ANKRD30B: variants seen among roughly 807,000 people sequenced by gnomAD.
ANKRD30B encodes ankyrin repeat domain 30B.
Under a neutral mutation model 202.2 loss-of-function variants are expected in ANKRD30B, and 144 were observed. The ratio of observed to expected loss-of-function variants is 0.71; its 90% CI spans 0.62 to 0.82. The LOEUF (loss-of-function observed/expected upper bound fraction) is 0.82, where lower values mean the gene tolerates loss of function less well. ANKRD30B is among the 40% of genes least tolerant of loss of function. The pLI, the probability that ANKRD30B is intolerant of heterozygous loss-of-function variation, is 0.00. For missense variants in ANKRD30B, 1,487 were observed against 1,669.1 expected (o/e 0.89, Z 1.90); for synonymous variants, 508 against 561.3 (o/e 0.91, Z 1.34).
chr18:14,862,910 C>T, the ANKRD30B span, among the ~76,000 whole-genome samples: 6 of 152,246 alleles, frequency 3.9e-5, no homozygotes, highest in Non-Finnish European at 8.8e-5. Context: ...TACTGGGTTT[C>T]AGATTTGCCT....
In ANKRD30B at chr18:14,757,840, G is replaced by T. The variant is rs1438520532; in HGVS notation, c.643G>T (p.Glu215Ter). Residue 215 changes from glutamate to a stop codon, truncating the protein, a stop_gained, in exon 5 of 44, where the codon GAA becomes TAA. Transcript: ENST00000690538. LOFTEE classifies it high-confidence loss of function. ...KCTALMLAIC[E>*]GSSEIVGMLL... ...CACAGCCCTCATGCTTGCCATATGT[G>T]AAGGCTCATCAGAGATAGTCGGCAT... The T allele has an allele frequency of 6.2e-7, 1 of 1,613,672 alleles. No homozygotes were observed. The highest frequency in any genetic ancestry group is 1.7e-5 in the Admixed American group (1 of 59,854).
chr18:14,841,187 G>T (rs1206665870), intron 37 of ANKRD30B, among the ~76,000 whole-genome samples: 1 of 152,150 alleles, frequency 6.6e-6, no homozygotes, highest in Non-Finnish European at 1.5e-5. Flanking sequence ...TGTTTTATCT[G>T]CAGTATGTGA....
intron 40 of ANKRD30B, among the ~76,000 whole-genome samples, 190 bp downstream of exon 40, chr18:14,849,119 T>A (rs1306649119): frequency 3.3e-5 from 5 of 151,962 alleles, no homozygotes; most frequent in Non-Finnish European, 5.9e-5. Flanking sequence ...TAATGCATAT[T>A]TATTTAAATC....
chr18:14,845,653 C>G (rs1442013148), intron 39 of ANKRD30B, among the ~76,000 whole-genome samples: 1 of 151,324 alleles, frequency 6.6e-6, no homozygotes, highest in African/African-American at 2.4e-5. Context: ...TTTATTAGTT[C>G]CATCTCTGAT....
At chr18:14,917,006 C>T in the ANKRD30B span, among the ~76,000 whole-genome samples, 1 of 152,156 alleles carries the variant, frequency 6.6e-6, no homozygotes, top group African/African-American at 2.4e-5. Flanking sequence ...ACGCTGGCCA[C>T]CAACTCAGCC....
downstream of ANKRD30B, among the ~76,000 whole-genome samples, chr18:14,856,098 G>A (rs1207990219): frequency 6.3e-4 from 85 of 134,772 alleles, 2 homozygotes; most frequent in Non-Finnish European, 8.8e-4. Context: ...GGGCAGAGGC[G>A]CTCCTCACCT....
chr18:14,803,962 A>G, intron 24 of ANKRD30B, 138 bp downstream of exon 24: 3 of 814,172 alleles, frequency 3.7e-6, no homozygotes, highest in East Asian at 6.4e-5. Flanking sequence ...AAATGGTGAT[A>G]AGTTATACGT....
chr18:14,763,467 A>T (rs984990505), intron 6 of ANKRD30B, among the ~76,000 whole-genome samples: 3 of 152,004 alleles, frequency 2.0e-5, no homozygotes, highest in Admixed American at 1.3e-4. Flanking sequence ...GAGTCGCTTG[A>T]GGTAGGAGAA....
At chr18:14,877,987 C>T in the ANKRD30B span, 53 of 152,300 alleles carry the variant, frequency 3.5e-4, 1 homozygote, top group Middle Eastern at 6.8e-3. Context: ...CCACCTGCAT[C>T]GCCTTAGGCA....
At position 14,807,362 on chromosome 18, in the gene ANKRD30B, G is replaced by A. The variant is rs1021982085; in HGVS notation, c.2285-1189G>A. Among the ~76,000 whole-genome samples the A allele has an allele frequency of 8.6e-5, 13 of 150,624 alleles. 1 individual carries two copies. Among genetic ancestry groups the A allele is most frequent in the Non-Finnish European group, 1.5e-4 (10 of 67,720 alleles). ...TAACAGTGGTTTAACAACTCGCATG[G>A]TATAACAAATAGAATTAGTTTTAGC... is the stretch of plus-strand genomic sequence containing the variant. On this transcript the variant is annotated intron_variant, in intron 24 of 43. Coordinates refer to ENST00000690538, the MANE Select transcript of ANKRD30B (RefSeq NM_001367607.2).
At chr18:14,780,956 A>C (rs1967694589) in intron 11 of ANKRD30B, among the ~76,000 whole-genome samples, 1 of 151,820 alleles carries the variant, frequency 6.6e-6, no homozygotes, top group South Asian at 2.1e-4. Context: ...TAAGTATCAA[A>C]TAATAATGAT....
At chr18:14,888,744 C>T in the ANKRD30B span, 1 of 1,017,750 alleles carries the variant, frequency 9.8e-7, no homozygotes, top group South Asian at 1.5e-5. Flanking sequence ...TGTTTTTGTT[C>T]TTTCTTCATT....
the ANKRD30B span, among the ~76,000 whole-genome samples, chr18:14,933,890 A>G: frequency 6.6e-6 from 1 of 152,172 alleles, no homozygotes; most frequent in African/African-American, 2.4e-5. Context: ...TTTTTCACAG[A>G]AATGAATTGG....
At chr18:14,843,756 T>A (rs1049245105) in intron 39 of ANKRD30B, among the ~76,000 whole-genome samples, 14 of 152,116 alleles carry the variant, frequency 9.2e-5, no homozygotes, top group Non-Finnish European at 1.9e-4. Flanking sequence ...ATGGCGCCAC[T>A]GCACTCCAGC....
intron 34 of ANKRD30B, among the ~76,000 whole-genome samples, chr18:14,835,203 C>T (rs1329899057): frequency 6.6e-6 from 1 of 151,644 alleles, no homozygotes; most frequent in Non-Finnish European, 1.5e-5. Flanking sequence ...ACAACACTGT[C>T]AAAGAAATGT....
intron 12 of ANKRD30B, among the ~76,000 whole-genome samples, chr18:14,783,112 G>A (rs1330763175): frequency 1.3e-5 from 2 of 152,098 alleles, no homozygotes; most frequent in Non-Finnish European, 2.9e-5. Flanking sequence ...GGAGGCATTA[G>A]GAATGGAATT....
intron 39 of ANKRD30B, among the ~76,000 whole-genome samples, chr18:14,845,937 C>T (rs941799944): frequency 1.3e-5 from 2 of 152,114 alleles, no homozygotes; most frequent in Non-Finnish European, 2.9e-5. Flanking sequence ...TAATTACATC[C>T]AAAAACTCCT....
chr18:14,921,009 A>G, the ANKRD30B span, among the ~76,000 whole-genome samples: 2 of 152,232 alleles, frequency 1.3e-5, no homozygotes, highest in Non-Finnish European at 2.9e-5. Context: ...GACAAAGAAA[A>G]TGTTTTTACT....
At chr18:14,765,187 G>A (rs1243865003) in intron 7 of ANKRD30B, among the ~76,000 whole-genome samples, 5 of 152,116 alleles carry the variant, frequency 3.3e-5, no homozygotes, top group African/African-American at 4.8e-5. Context: ...ACCGCTGGGT[G>A]TGGTGGCTCA....
Sources: gnomAD v4.1 joint callset for allele counts (sites outside exome capture counted in the v4.1 genomes callset) on GRCh38, gnomAD v4.1.1 for gene constraint, MANE v1.5 for transcripts, NCBI Gene and HGNC (gene_info 2026-07-23, HGNC 2026-07-21) for gene names.